Variants in RHBDD1 observed in about 807,000 individuals in gnomAD.
RHBDD1 encodes rhomboid-related protein 4.
Under a neutral mutation model 36.3 loss-of-function variants are expected in RHBDD1, and 38 were observed. The ratio of observed to expected loss-of-function variants is 1.05; its 90% CI spans 0.81 to 1.37. The LOEUF (loss-of-function observed/expected upper bound fraction) is 1.37. Among genes scored for constraint, RHBDD1 ranks in the 40% most tolerant of loss-of-function variants. The probability of loss-of-function intolerance (pLI) is 0.00; values close to 1 mark genes in which losing one functional copy is unlikely to be tolerated. For synonymous variants in RHBDD1, 151 were observed against 136.5 expected (o/e 1.11, Z -0.74); for missense variants, 393 against 377.6 (o/e 1.04, Z -0.34).
chr2:226,908,870 A>G lies in RHBDD1; in HGVS notation c.704A>G (p.Asn235Ser), dbSNP rs1381802852. ...VGYPGRQYYFNSSGSSGYQDY... is the reference protein window; with the variant it reads ...VGYPGRQYYFSSSGSSGYQDY... ...TACCCAGGACGGCAATACTACTTTA[A>G]TAGTTCAGGTAGGCACTGTATTTCA... The change falls in exon 7 of 9, where the codon AAT becomes AGT. Residue 235 changes from asparagine (N) to serine (S), a missense_variant. Coordinates refer to ENST00000392062, the MANE Select transcript of RHBDD1 (RefSeq NM_001167608.3). 6.3e-7 allele frequency: 1 copy of G among 1,593,124 alleles called. No individual in the cohort carries two copies. Among genetic ancestry groups the G allele is most frequent in the East Asian group, 2.2e-5 (1 of 44,800 alleles).
chr2:226,927,336 T>A (rs940913757), intron 8 of RHBDD1, among the ~76,000 whole-genome samples: 3 of 151,348 alleles, frequency 2.0e-5, no homozygotes, highest in Admixed American at 2.0e-4. Context: ...TACCAGAAGT[T>A]TTTTTTTGTT....
intron 8 of RHBDD1, among the ~76,000 whole-genome samples, chr2:226,926,804 T>C (rs929698549): frequency 6.6e-6 from 1 of 152,220 alleles, no homozygotes; most frequent in Admixed American, 6.5e-5. Flanking sequence ...TCCTGTTTCC[T>C]AAAAATTACT....
intron 8 of RHBDD1, among the ~76,000 whole-genome samples, chr2:226,943,179 TGA>T (rs1408215563): frequency 6.6e-6 from 1 of 152,232 alleles, no homozygotes; most frequent in Non-Finnish European, 1.5e-5. Flanking sequence ...GAGCCAGATG[TGA>T]GAGTCACGTA....
At chr2:226,944,162 T>C (rs1950827814) in intron 8 of RHBDD1, among the ~76,000 whole-genome samples, 1 of 152,238 alleles carries the variant, frequency 6.6e-6, no homozygotes, top group African/African-American at 2.4e-5. Context: ...CCATATGCAA[T>C]GGCTGTGCAG....
At chr2:226,916,277 G>A (rs1259905588) in intron 8 of RHBDD1, among the ~76,000 whole-genome samples, 1 of 152,176 alleles carries the variant, frequency 6.6e-6, no homozygotes, top group African/African-American at 2.4e-5. Flanking sequence ...GTGGAGAATT[G>A]TAGCCATTTT....
At chr2:226,857,374 C>A (rs1943435069) in intron 3 of RHBDD1, among the ~76,000 whole-genome samples, 1 of 151,876 alleles carries the variant, frequency 6.6e-6, no homozygotes, top group Non-Finnish European at 1.5e-5. Flanking sequence ...GAAAAAATTT[C>A]ACAGTTACTC....
chr2:226,896,808 A>G (rs1229847174), intron 5 of RHBDD1, among the ~76,000 whole-genome samples: 3 of 151,966 alleles, frequency 2.0e-5, no homozygotes, highest in Non-Finnish European at 2.9e-5. Flanking sequence ...AGTTATCTCA[A>G]AAATTTTTTT....
chr2:226,871,390 T>C (rs1944786719), intron 5 of RHBDD1, among the ~76,000 whole-genome samples: 1 of 152,232 alleles, frequency 6.6e-6, no homozygotes, highest in African/African-American at 2.4e-5. Context: ...ATTACTGTTG[T>C]CATGCAAAAG....
intron 8 of RHBDD1, among the ~76,000 whole-genome samples, chr2:226,914,877 A>G (rs1948791118): frequency 6.6e-6 from 1 of 152,148 alleles, no homozygotes; most frequent in Non-Finnish European, 1.5e-5. Context: ...CGATATCTGA[A>G]AAAACACTGT....
intron 8 of RHBDD1, among the ~76,000 whole-genome samples, chr2:226,965,900 G>C (rs960216284): frequency 6.6e-6 from 1 of 151,564 alleles, no homozygotes; most frequent in East Asian, 1.9e-4. Context: ...GAAAAAGCAC[G>C]AAGTTTATAG....
Position 226,941,313 on chromosome 2 carries a change from C to T in RHBDD1, c.856+26962C>T, listed in dbSNP as rs183979281. On this transcript the variant is annotated intron_variant, in intron 8 of 8. Coordinates refer to ENST00000392062, the MANE Select transcript of RHBDD1 (RefSeq NM_001167608.3). Reference sequence around the variant, plus strand: ...CCCATGAGTCTCCCTAGAGCTGAACCTCAAGTGCACTTCTCCATCGGCCTT... The same window carrying T: ...CCCATGAGTCTCCCTAGAGCTGAACTTCAAGTGCACTTCTCCATCGGCCTT... 1.3e-3 allele frequency among the ~76,000 whole-genome samples: 198 copies of T among 152,324 alleles called. 1 individual carries two copies. The highest frequency in any genetic ancestry group is 4.4e-3 in the African/African-American group (184 of 41,570).
At chr2:226,953,689 A>T (rs1392795950) in intron 8 of RHBDD1, among the ~76,000 whole-genome samples, 2 of 152,218 alleles carry the variant, frequency 1.3e-5, no homozygotes, top group African/African-American at 4.8e-5. Flanking sequence ...CAGCTACCTT[A>T]AAGGATTGTC....
chr2:226,958,507 T>C (rs1318392422), intron 8 of RHBDD1, among the ~76,000 whole-genome samples: 1 of 152,188 alleles, frequency 6.6e-6, no homozygotes, highest in Non-Finnish European at 1.5e-5. Flanking sequence ...ATAAAAAGCA[T>C]TGAATTGTCC....
intron 5 of RHBDD1, among the ~76,000 whole-genome samples, chr2:226,882,254 A>G (rs1360698584): frequency 6.6e-6 from 1 of 151,946 alleles, no homozygotes; most frequent in Non-Finnish European, 1.5e-5. Flanking sequence ...ACATGGTGAA[A>G]CCCCATCTCT....
At chr2:226,858,994 G>C (rs1298353871) in intron 3 of RHBDD1, among the ~76,000 whole-genome samples, 1 of 152,150 alleles carries the variant, frequency 6.6e-6, no homozygotes, top group African/African-American at 2.4e-5. Context: ...TATAAATACT[G>C]TTGTGGACCT....
At chr2:226,884,273 A>G (rs1281291080) in intron 5 of RHBDD1, among the ~76,000 whole-genome samples, 2 of 152,062 alleles carry the variant, frequency 1.3e-5, no homozygotes, top group East Asian at 3.9e-4. Flanking sequence ...ACTGTTTTCC[A>G]TTTACATTCA....
upstream of RHBDD1, among the ~76,000 whole-genome samples, chr2:226,832,773 C>T (rs1012064087): frequency 1.3e-5 from 2 of 151,996 alleles, no homozygotes; most frequent in East Asian, 1.9e-4. Flanking sequence ...TTTGGGAGGC[C>T]GAGACAGGTG....
chr2:226,944,511 C>T (rs1386652599), intron 8 of RHBDD1, among the ~76,000 whole-genome samples: 1 of 152,152 alleles, frequency 6.6e-6, no homozygotes, highest in Non-Finnish European at 1.5e-5. Flanking sequence ...AATGCCGAGA[C>T]TTGTGTTCTG....
chr2:226,860,498 A>G (rs1943751452), intron 3 of RHBDD1, among the ~76,000 whole-genome samples: 2 of 152,098 alleles, frequency 1.3e-5, no homozygotes, highest in South Asian at 4.1e-4. Flanking sequence ...GTGCTCACTT[A>G]TTGTGATCTG....
Sources: allele counts gnomAD v4.1 joint callset (sites outside exome capture counted in the v4.1 genomes callset), GRCh38; gene constraint gnomAD v4.1.1; transcripts MANE v1.5; gene names NCBI Gene and HGNC (gene_info 2026-07-23, HGNC 2026-07-21).